The following PTPN4 variants were observed in gnomAD, a reference collection of about 807,000 sequenced individuals.
PTPN4 encodes the protein tyrosine-protein phosphatase non-receptor type 4.
In PTPN4, 49 loss-of-function variants were observed where a neutral mutation model predicts 135.5. The ratio of observed to expected loss-of-function variants is 0.36; its 90% confidence interval spans 0.29 to 0.46. The LOEUF (loss-of-function observed/expected upper bound fraction) is 0.46, where lower values mean the gene tolerates loss of function less well. Among genes scored for constraint, PTPN4 ranks in the 20% least tolerant of loss-of-function variants. The pLI, the probability that PTPN4 is intolerant of heterozygous loss-of-function variation, is 1.00. For missense variants in PTPN4, 860 were observed against 1,101.0 expected (o/e 0.78, Z 3.10); for synonymous variants, 333 against 369.9 (o/e 0.90, Z 1.14).
intron 1 of PTPN4, among the ~76,000 whole-genome samples, chr2:119,789,822 A>G (rs1257222384): frequency 6.6e-6 from 1 of 152,108 alleles, no homozygotes. Flanking sequence ...TCCCAGGTTC[A>G]AGTGATTCTC....
rs1342849084 is a variant in PTPN4, at chr2:119,984,735, TTTAGTC to T, written c.*7669_*7674del. ...AAATGCTGGTTTGCATTAATACTGT[TTTAGTC>T]TTAAGAGCAATTTATATTATGTGAA... On this transcript the variant is annotated 3_prime_UTR_variant, in exon 27 of 27. Transcript: ENST00000263708. 7.2e-5 allele frequency among the ~76,000 whole-genome samples: 11 copies of T among 152,212 alleles called. No individual in the cohort carries two copies. The highest frequency in any genetic ancestry group is 3.8e-4 in the East Asian group (2 of 5,204).
chr2:119,803,015 T>C (rs1259598567), intron 1 of PTPN4, among the ~76,000 whole-genome samples: 1 of 152,186 alleles, frequency 6.6e-6, no homozygotes, highest in East Asian at 1.9e-4. Context: ...ACCATTTCAA[T>C]GGTTGCAAAG....
At chr2:119,936,236 T>C (rs1041649594) in intron 15 of PTPN4, among the ~76,000 whole-genome samples, 11 of 152,148 alleles carry the variant, frequency 7.2e-5, no homozygotes, top group African/African-American at 2.7e-4. Context: ...TCTCCTGACC[T>C]CGTGATTCGC....
At chr2:119,761,651 C>T (rs1690503351) in intron 1 of PTPN4, among the ~76,000 whole-genome samples, 1 of 152,128 alleles carries the variant, frequency 6.6e-6, no homozygotes, top group Admixed American at 6.5e-5. Context: ...TTATGGTACA[C>T]ATATCTTTGT....
chr2:119,939,236 C>G (rs1425734666), intron 15 of PTPN4, among the ~76,000 whole-genome samples: 1 of 152,202 alleles, frequency 6.6e-6, no homozygotes, highest in Non-Finnish European at 1.5e-5. Context: ...AGATTCTCAA[C>G]TTTATTCTTA....
chr2:119,948,755 G>A (rs192329539), intron 18 of PTPN4, among the ~76,000 whole-genome samples: 2 of 152,054 alleles, frequency 1.3e-5, no homozygotes, highest in East Asian at 3.9e-4. Flanking sequence ...ATATAAATAT[G>A]GAAATATATC....
At chr2:119,882,331 T>C (rs970407237) in intron 7 of PTPN4, among the ~76,000 whole-genome samples, 172 bp from the exon 8 acceptor site, 3 of 152,168 alleles carry the variant, frequency 2.0e-5, no homozygotes, top group African/African-American at 4.8e-5. Context: ...AAATTTCCTC[T>C]GAAATTGAGA....
chr2:119,977,084 T>G lies in PTPN4; in HGVS notation c.*14T>G. On this transcript the variant is annotated 3_prime_UTR_variant, in exon 27 of 27. Transcript: ENST00000263708. ...ACAAATAAATAAGAAAGCAAAAAGA[T>G]CTGGGATATGTGTTGGAAAACTGCT... 2 of 1,590,324 alleles carry G rather than the reference T, an allele frequency of 1.3e-6. No individual in the cohort carries two copies. The highest frequency in any genetic ancestry group is 1.7e-6 in the Non-Finnish European group (2 of 1,172,902).
intron 3 of PTPN4, among the ~76,000 whole-genome samples, chr2:119,865,768 T>C (rs761134178): frequency 4.6e-5 from 7 of 152,120 alleles, no homozygotes. Context: ...ATATATTATG[T>C]GTATATGTGT....
chr2:119,924,054 G>A (rs181134628), intron 12 of PTPN4, among the ~76,000 whole-genome samples: 3 of 150,482 alleles, frequency 2.0e-5, no homozygotes, highest in East Asian at 2.0e-4. Context: ...GAAGAATGGC[G>A]TGAACCCAGG....
chr2:119,942,225 T>G (rs1679070776), intron 15 of PTPN4, among the ~76,000 whole-genome samples: 1 of 152,058 alleles, frequency 6.6e-6, no homozygotes, highest in African/African-American at 2.4e-5. Flanking sequence ...GATTCAACAG[T>G]TTTAGCAAAA....
intron 2 of PTPN4, among the ~76,000 whole-genome samples, chr2:119,829,457 C>T (rs1053708688): frequency 5.3e-5 from 8 of 152,196 alleles, no homozygotes; most frequent in African/African-American, 1.9e-4. Flanking sequence ...AACAGAAACT[C>T]TAGCCATGTG....
intron 1 of PTPN4, among the ~76,000 whole-genome samples, chr2:119,763,889 TGTA>T (rs1044486197): frequency 1.3e-5 from 2 of 152,178 alleles, no homozygotes; most frequent in Admixed American, 6.5e-5. Context: ...AAATCTGAGT[TGTA>T]GTATTTAATC....
chr2:119,835,438 C>T (rs1190827584), intron 2 of PTPN4, among the ~76,000 whole-genome samples: 1 of 152,080 alleles, frequency 6.6e-6, no homozygotes, highest in African/African-American at 2.4e-5. Flanking sequence ...CCGCCTCGGT[C>T]CCGAAGTGCT....
chr2:119,761,974 CA>C (rs956954992), intron 1 of PTPN4, among the ~76,000 whole-genome samples: 1 of 152,132 alleles, frequency 6.6e-6, no homozygotes, highest in Admixed American at 6.5e-5. Context: ...TGAATTGAGT[CA>C]AACTTGTGTT....
intron 3 of PTPN4, 147 bp from the exon 4 acceptor site, chr2:119,877,175 TG>T: frequency 3.1e-6 from 2 of 651,022 alleles, no homozygotes; most frequent in Non-Finnish European, 5.0e-6. Flanking sequence ...TGAAAAATAT[TG>T]TCTGTAATGC....
chr2:119,913,274 G>A (rs1678600142), intron 10 of PTPN4, among the ~76,000 whole-genome samples: 1 of 152,076 alleles, frequency 6.6e-6, no homozygotes, highest in South Asian at 2.1e-4. Flanking sequence ...AAACGTGGCT[G>A]CATCATTTTA....
intron 1 of PTPN4, among the ~76,000 whole-genome samples, chr2:119,762,588 A>G (rs932980211): frequency 3.9e-5 from 6 of 152,166 alleles, no homozygotes; most frequent in African/African-American, 1.4e-4. Flanking sequence ...TATTGAGAGT[A>G]CTTCTGCCCC....
intron 5 of PTPN4, 49 bp downstream of exon 5, chr2:119,877,591 AT>A (rs1678003892): frequency 6.5e-7 from 1 of 1,546,490 alleles, no homozygotes; most frequent in Admixed American, 2.1e-5. Flanking sequence ...AAACTCTAAT[AT>A]GAAATTTTGA....
Sources: gnomAD v4.1 joint callset for allele counts (sites outside exome capture counted in the v4.1 genomes callset) on GRCh38, gnomAD v4.1.1 for gene constraint, MANE v1.5 for transcripts, NCBI Gene and HGNC (gene_info 2026-07-23, HGNC 2026-07-21) for gene names.